HHIPL1: variants seen among roughly 807,000 people sequenced by gnomAD.
The protein encoded by HHIPL1 is HHIP-like protein 1.
A neutral mutation model predicts 61.8 loss-of-function variants in HHIPL1; 43 were observed. The observed-to-expected ratio is 0.70, with a 90% CI of 0.55 to 0.90. HHIPL1 has a LOEUF of 0.90. HHIPL1 is among the 40% of genes least tolerant of loss of function. HHIPL1 has a pLI of 0.00. For missense variants in HHIPL1, 1,056 were observed against 1,157.7 expected (o/e 0.91, Z 1.28); for synonymous variants, 482 against 515.8 (o/e 0.93, Z 0.89).
the HHIPL1 span, among the ~76,000 whole-genome samples, chr14:99,605,683 G>A: frequency 2.0e-5 from 3 of 152,260 alleles, no homozygotes; most frequent in Admixed American, 6.5e-5. Flanking sequence ...GCTGTGCGGG[G>A]CATTAAGTCG....
chr14:99,667,452 A>G (rs1337024390), intron 6 of HHIPL1, among the ~76,000 whole-genome samples: 1 of 152,120 alleles, frequency 6.6e-6, no homozygotes, highest in Non-Finnish European at 1.5e-5. Context: ...TCCCTGAGAC[A>G]GTCCTCAGCA....
chr14:99,618,832 T>G, the HHIPL1 span, among the ~76,000 whole-genome samples: 1 of 151,968 alleles, frequency 6.6e-6, no homozygotes, highest in South Asian at 2.1e-4. Flanking sequence ...ATGCGAGGGG[T>G]GCACATCTGG....
In HHIPL1 at chr14:99,645,459, C is replaced by T; in HGVS notation, c.252C>T (p.Cys84=). ...CCGGCTACGCGAGGGACCTGCTGTGCCAGGTGAGCGGGCGCGCGGCCACCG... is the reference window on the plus strand; with the variant it reads ...CCGGCTACGCGAGGGACCTGCTGTGTCAGGTGAGCGGGCGCGCGGCCACCG... ...ACAGYARDLL[C]QECSPYAAHL... is the part of the protein sequence containing the mutation. The change falls in exon 1 of 9, where the codon TGC becomes TGT. Residue 84 remains cysteine, a synonymous_variant. Transcript: ENST00000330710. 1.5e-6 allele frequency: 2 copies of T among 1,295,642 alleles called. No homozygotes were observed. The highest frequency in any genetic ancestry group is 1.9e-6 in the Non-Finnish European group (2 of 1,028,844). The allele number at this position is 1,295,642 out of a possible 1,614,324, so 80.3% of individuals were successfully genotyped here. A position where few individuals can be genotyped will look rare whatever the true frequency, so the allele number is the denominator to read the frequency against.
At chr14:99,617,641 T>C in the HHIPL1 span, among the ~76,000 whole-genome samples, 1 of 152,148 alleles carries the variant, frequency 6.6e-6, no homozygotes. Context: ...ATAATTTATT[T>C]AAATAGTGAT....
intron 2 of HHIPL1, among the ~76,000 whole-genome samples, 185 bp from the exon 3 acceptor site, chr14:99,656,808 AAAGAAAG>A (rs1566809750): frequency 3.7e-4 from 1 of 2,694 alleles, no homozygotes; most frequent in African/African-American, 4.3e-4. Context: ...AGAAAGAAAG[AAAGAAAG>A]AAAGAAAGAA....
chr14:99,608,674 G>A, the HHIPL1 span, among the ~76,000 whole-genome samples: 2 of 152,212 alleles, frequency 1.3e-5, no homozygotes, highest in African/African-American at 4.8e-5. Flanking sequence ...ACTGAAAAGT[G>A]GTTAAGTGTT....
chr14:99,663,964 A>T (rs950712887), intron 6 of HHIPL1, among the ~76,000 whole-genome samples: 1 of 152,216 alleles, frequency 6.6e-6, no homozygotes, highest in African/African-American at 2.4e-5. Context: ...GGGCCATTCA[A>T]TGAAACCACA....
chr14:99,660,299 C>T lies in HHIPL1; in HGVS notation c.1395C>T (p.Phe465=), dbSNP rs1433411537. ...NTSLNDLLPI[F]AYPHTVGKSV... Reference sequence around the variant, plus strand: ...CCGCAGATGACTTGCTGCCGATTTTCGCCTACCCGCACACGGTTGGCAAGT... The same window carrying T: ...CCGCAGATGACTTGCTGCCGATTTTTGCCTACCCGCACACGGTTGGCAAGT... The change falls in exon 5 of 9, where the codon TTC becomes TTT. Residue 465 remains phenylalanine (F), a synonymous_variant. Transcript: ENST00000330710. This position sits in a 1 kb window ranked among gnomAD's most constrained non-coding sequence, Gnocchi z 4.9. 6 of 1,614,014 alleles carry T rather than the reference C, an allele frequency of 3.7e-6. No individual in the cohort carries two copies. In the Admixed American group the frequency reaches 5.0e-5, roughly 13 times the overall value.
Position 99,660,676 on chromosome 14 carries a change from G to A in HHIPL1, c.1502+270G>A, listed in dbSNP as rs1476148232. 1.3e-5 allele frequency among the ~76,000 whole-genome samples: 2 copies of A among 152,190 alleles called. No homozygotes were observed. The highest frequency in any genetic ancestry group is 4.8e-5 in the African/African-American group (2 of 41,456). ...GGAGGCTTGCTTAAGTGCGGGTCCCGTGGTCTTCCTCTCCCTCCTGAGAAC... is the reference window on the plus strand; with the variant it reads ...GGAGGCTTGCTTAAGTGCGGGTCCCATGGTCTTCCTCTCCCTCCTGAGAAC... On this transcript the variant is annotated intron_variant, in intron 5 of 8. Transcript: ENST00000330710. The surrounding 1 kb of genome is among the most constrained non-coding windows in gnomAD (Gnocchi z 4.9).
In HHIPL1 at chr14:99,668,176, G is replaced by A. The variant is rs376028825; in HGVS notation, c.1649-46G>A. 59 of 1,174,216 alleles carry A rather than the reference G, an allele frequency of 5.0e-5. No homozygotes were observed. Among genetic ancestry groups the A allele is most frequent in the Middle Eastern group, 2.0e-4 (1 of 5,012 alleles). The allele number at this position is 1,174,216 out of a possible 1,614,324, so 72.7% of individuals were successfully genotyped here. On this transcript the variant is annotated intron_variant, in intron 6 of 8. Coordinates refer to ENST00000330710, the MANE Select transcript of HHIPL1 (RefSeq NM_001127258.3). This position sits in a 1 kb window ranked among gnomAD's most constrained non-coding sequence, Gnocchi z 4.7. ...GTGGTGAGGCGGGGCTGGCTGGGAC[G>A]GTATTCCAGGTGGGGGTCTCACTAG...
At chr14:99,661,633 A>G (rs574896487) in intron 5 of HHIPL1, among the ~76,000 whole-genome samples, 13 of 152,146 alleles carry the variant, frequency 8.5e-5, no homozygotes, top group Admixed American at 6.5e-4. Flanking sequence ...ACGCTTGGCT[A>G]ATTTTTGCAT....
intron 2 of HHIPL1, among the ~76,000 whole-genome samples, chr14:99,654,217 A>G (rs946577692): frequency 1.3e-5 from 2 of 151,578 alleles, no homozygotes; most frequent in African/African-American, 4.8e-5. Flanking sequence ...AAGAAAAAAG[A>G]AAAAAGGCAA....
Position 99,675,325 on chromosome 14 carries a change from C to A in HHIPL1, c.2048C>A (p.Ser683Tyr). 9.9e-6 allele frequency: 14 copies of A among 1,417,722 alleles called. No homozygotes were observed. The highest frequency in any genetic ancestry group is 1.3e-5 in the Non-Finnish European group (14 of 1,085,718). 87.8% of individuals were successfully genotyped at this position (1,417,722 alleles called of 1,614,324 possible). ...CTGGTGCGGCCCGCGGGCCTGAGCT[C>A]TGGCAGCGGGCGCGTGGAGGTGTTC... ...VRLVRPAGLS[S>Y]GSGRVEVFVG... The change falls in exon 9 of 9, where the codon TCT becomes TAT. Residue 683 changes from serine to tyrosine, a missense_variant. Coordinates refer to ENST00000330710, the MANE Select transcript of HHIPL1 (RefSeq NM_001127258.3). The surrounding 1 kb of genome is among the most constrained non-coding windows in gnomAD (Gnocchi z 5.4).
chr14:99,617,162 T>A, the HHIPL1 span, among the ~76,000 whole-genome samples: 297 of 152,218 alleles, frequency 2.0e-3, 3 homozygotes, highest in Admixed American at 0.016. Context: ...AGACACATAA[T>A]ACCTTGCAAG....
the HHIPL1 span, among the ~76,000 whole-genome samples, chr14:99,626,267 G>GGTGTGTGTGTGTGTGTGTGTGTGT: frequency 2.0e-5 from 3 of 147,490 alleles, no homozygotes; most frequent in African/African-American, 7.5e-5. Flanking sequence ...GGTGTAGCGG[G>GGTGTGTGTGTGTGTGTGTGTGTGT]GTGTGTGTGT....
chr14:99,652,770 G>T lies in HHIPL1; in HGVS notation c.802G>T (p.Val268Phe), dbSNP rs200138544. The T allele has an allele frequency of 6.2e-7, 1 of 1,613,892 alleles. No homozygotes were observed. Among genetic ancestry groups the T allele is most frequent in the Non-Finnish European group, 8.5e-7 (1 of 1,180,034 alleles). Reference sequence around the variant, plus strand: ...CTTCCAGCACAACCGCAGGCTCTACGTCTACTACTCAGTGGGTATCCGCAG... The same window carrying T: ...CTTCCAGCACAACCGCAGGCTCTACTTCTACTACTCAGTGGGTATCCGCAG... ...PSFQHNRRLY[V>F]YYSVGIRSSE... Residue 268 changes from valine to phenylalanine, a missense_variant, in exon 2 of 9, where the codon GTC becomes TTC. Physicochemically the swap from Val to Phe is conservative, Grantham distance 50. Transcript: ENST00000330710.
rs2140047600 is a variant in HHIPL1, at chr14:99,645,265, C to T, written c.58C>T (p.His20Tyr). ...GCTTTGGGTGCTCGGGGCCGCCGCGCATCCGCAGTGCCTGGACTTCAGGCC... is the reference window on the plus strand; with the variant it reads ...GCTTTGGGTGCTCGGGGCCGCCGCGTATCCGCAGTGCCTGGACTTCAGGCC... ...LALWVLGAAA[H>Y]PQCLDFRPPF... Residue 20 changes from histidine to tyrosine, a missense_variant, in exon 1 of 9, where the codon CAT (histidine) becomes TAT (tyrosine). Physicochemically the swap from His to Tyr is moderately conservative, Grantham distance 83. Transcript: ENST00000330710. 7.1e-7 allele frequency: 1 copy of T among 1,414,774 alleles called. No individual in the cohort carries two copies. The highest frequency in any genetic ancestry group is 9.2e-7 in the Non-Finnish European group (1 of 1,087,502). 87.6% of individuals were successfully genotyped at this position (1,414,774 alleles called of 1,614,324 possible). A position where few individuals can be genotyped will look rare whatever the true frequency, so the allele number is the denominator to read the frequency against.
chr14:99,629,549 G>C, the HHIPL1 span, among the ~76,000 whole-genome samples: 1 of 151,976 alleles, frequency 6.6e-6, no homozygotes, highest in Non-Finnish European at 1.5e-5. Context: ...CCAGGCTGGA[G>C]TGCAGTGGCA....
Position 99,668,154 on chromosome 14 carries a change from G to T in HHIPL1, c.1649-68G>T, listed in dbSNP as rs1019559088. 2.1e-6 allele frequency: 2 copies of T among 939,718 alleles called. No homozygotes were observed. Among genetic ancestry groups the T allele is most frequent in the Admixed American group, 1.7e-5 (1 of 58,876 alleles). 58.2% of individuals were successfully genotyped at this position (939,718 alleles called of 1,614,324 possible). A position where few individuals can be genotyped will look rare whatever the true frequency, so the allele number is the denominator to read the frequency against. On this transcript the variant is annotated intron_variant, in intron 6 of 8. Coordinates refer to ENST00000330710, the MANE Select transcript of HHIPL1 (RefSeq NM_001127258.3). This position sits in a 1 kb window ranked among gnomAD's most constrained non-coding sequence, Gnocchi z 4.7. ...TTCCAAGCCTGCAGGGAGCCGGGTG[G>T]TGAGGCGGGGCTGGCTGGGACGGTA...
Sources: gnomAD v4.1 joint callset for allele counts (sites outside exome capture counted in the v4.1 genomes callset) on GRCh38, gnomAD v4.1.1 for gene constraint, Gnocchi (gnomAD v3.1) non-coding constraint, MANE v1.5 for transcripts, NCBI Gene and HGNC (gene_info 2026-07-23, HGNC 2026-07-21) for gene names.